The following SNX29 variants were observed in gnomAD, a reference collection of about 807,000 sequenced individuals.
SNX29 encodes sorting nexin 29.
SNX29 carries 78 observed loss-of-function variants against 102.1 expected under a neutral mutation model. The ratio of observed to expected loss-of-function variants is 0.76; its 90% CI spans 0.64 to 0.92. The LOEUF is 0.92. Among genes scored for constraint, SNX29 ranks in the 40% least tolerant of loss-of-function variants. The pLI is 0.00. For synonymous variants in SNX29, 580 were observed against 414.5 expected (o/e 1.40, Z -4.85); for missense variants, 1,280 against 1,061.7 (o/e 1.21, Z -2.86).
Position 12,570,005 on chromosome 16 carries a change from A to C in SNX29, c.*1376A>C, listed in dbSNP as rs143600831. The C allele has an allele frequency of 1.7e-3, 485 of 290,558 alleles. 2 individuals carry two copies. Among genetic ancestry groups the C allele is most frequent in the African/African-American group, 9.7e-3 (448 of 46,386 alleles). The allele number at this position is 290,558 out of a possible 1,614,324, so 18.0% of individuals were successfully genotyped here. A position where few individuals can be genotyped will look rare whatever the true frequency, so the allele number is the denominator to read the frequency against. ...GAACTGCTTCAACTCAGTGGCTTAA[A>C]ATGAGAACTGCCCAGGTGAGCATGG... is the stretch of plus-strand genomic sequence containing the variant. On this transcript the variant is annotated 3_prime_UTR_variant, in exon 21 of 21. Transcript: ENST00000566228.
intron 20 of SNX29, among the ~76,000 whole-genome samples, chr16:12,552,842 A>T (rs2078070514): frequency 6.6e-6 from 1 of 152,186 alleles, no homozygotes; most frequent in African/African-American, 2.4e-5. Context: ...CCTGCCAGAG[A>T]GGAGAGGGTG....
intron 20 of SNX29, among the ~76,000 whole-genome samples, chr16:12,560,013 T>C (rs879358213): frequency 2.0e-5 from 3 of 152,080 alleles, no homozygotes; most frequent in Admixed American, 6.6e-5. Flanking sequence ...TCACTTACAT[T>C]TTGGAAGACT....
chr16:12,259,989 C>T (rs922325185), intron 14 of SNX29, among the ~76,000 whole-genome samples: 5 of 152,166 alleles, frequency 3.3e-5, no homozygotes, highest in Admixed American at 2.6e-4. Context: ...CCTGCTGATG[C>T]GCGGCCACGT....
chr16:12,564,475 TTCTCC>T (rs1302572082), intron 20 of SNX29, among the ~76,000 whole-genome samples: 6 of 152,366 alleles, frequency 3.9e-5, no homozygotes, highest in African/African-American at 1.4e-4. Flanking sequence ...TTATGGATCT[TTCTCC>T]AAGGTCTAGA....
intron 13 of SNX29, among the ~76,000 whole-genome samples, chr16:12,161,349 A>G (rs960833910): frequency 6.6e-6 from 1 of 152,084 alleles, no homozygotes; most frequent in African/African-American, 2.4e-5. Flanking sequence ...CCTCTGACTT[A>G]TGGTTGGCTT....
chr16:11,986,807 G>A (rs538512960), intron 1 of SNX29, among the ~76,000 whole-genome samples: 2 of 152,278 alleles, frequency 1.3e-5, no homozygotes, highest in East Asian at 3.9e-4. Context: ...CATTTCTGCT[G>A]TCGTAGTTTG....
At chr16:12,516,461 CAG>C (rs78955530) in intron 19 of SNX29, among the ~76,000 whole-genome samples, 15,996 of 129,760 alleles carry the variant, frequency 0.12, 966 homozygotes, top group Non-Finnish European at 0.14. Flanking sequence ...GTCTTGGCAA[CAG>C]AGAGATATCC....
rs78175785 is a variant in SNX29, at chr16:12,573,375, G to C, written c.*4746G>C. On this transcript the variant is annotated 3_prime_UTR_variant, in exon 21 of 21. Transcript: ENST00000566228. ...TTCTAAATCCCAGCAACCAAGTTGC[G>C]TATCCTTCCTTATAGCTAGTTTCTA... 4.5e-6 allele frequency: 1 copy of C among 224,050 alleles called. No individual in the cohort carries two copies. Among genetic ancestry groups the C allele is most frequent in the Non-Finnish European group, 8.9e-6 (1 of 112,420 alleles). 13.9% of individuals were successfully genotyped at this position (224,050 alleles called of 1,614,324 possible).
chr16:12,219,413 G>C (rs956862566), intron 14 of SNX29, among the ~76,000 whole-genome samples: 7 of 151,994 alleles, frequency 4.6e-5, no homozygotes, highest in East Asian at 1.9e-4. Context: ...CCTTTATTAC[G>C]TGCAGAACGT....
At chr16:12,123,141 T>G (rs962560337) in intron 11 of SNX29, among the ~76,000 whole-genome samples, 1 of 152,126 alleles carries the variant, frequency 6.6e-6, no homozygotes, top group Admixed American at 6.5e-5. Context: ...TTTAAAAAAT[T>G]TTAACTATAT....
chr16:12,573,063 A>AT lies in SNX29; in HGVS notation c.*4438dup. Reference sequence around the variant, plus strand: ...TAATTCTGCAGTTGTAGCACTGTATATTTTATCTCATTTCTGTGCCAAGAA... The same window carrying AT: ...TAATTCTGCAGTTGTAGCACTGTATATTTTTATCTCATTTCTGTGCCAAGAA... On this transcript the variant is annotated 3_prime_UTR_variant, in exon 21 of 21. Transcript: ENST00000566228. 1 of 231,670 alleles carries AT rather than the reference A, an allele frequency of 4.3e-6. No individual in the cohort carries two copies. The highest frequency in any genetic ancestry group is 5.7e-5 in the Admixed American group (1 of 17,644). The allele number at this position is 231,670 out of a possible 1,614,324, so 14.4% of individuals were successfully genotyped here.
chr16:12,294,706 G>GCAGCTCAGACCT (rs1242199205), intron 15 of SNX29, among the ~76,000 whole-genome samples: 1 of 152,104 alleles, frequency 6.6e-6, no homozygotes, highest in Non-Finnish European at 1.5e-5. Context: ...TATGTCCCCA[G>GCAGCTCAGACCT]GCTGGCTCCT....
chr16:12,310,898 A>G (rs1244309289), intron 15 of SNX29, among the ~76,000 whole-genome samples: 1 of 152,210 alleles, frequency 6.6e-6, no homozygotes, highest in Admixed American at 6.5e-5. Context: ...AAATCCATCA[A>G]TTCAGGGCAA....
intron 3 of SNX29, among the ~76,000 whole-genome samples, chr16:12,005,269 G>T (rs1450451951): frequency 6.6e-6 from 1 of 152,156 alleles, no homozygotes; most frequent in East Asian, 1.9e-4. Flanking sequence ...GTCCACACAG[G>T]GATCCAAGGT....
At position 12,052,595 on chromosome 16, in the gene SNX29, T is replaced by C. The variant is rs115177094; in HGVS notation, c.1124+373T>C. Reference sequence around the variant, plus strand: ...TATTGGGTAAAATAGGTCTGCAAGCTTTATATTTGCCCAGGGTATCATTCA... The same window carrying C: ...TATTGGGTAAAATAGGTCTGCAAGCCTTATATTTGCCCAGGGTATCATTCA... On this transcript the variant is annotated intron_variant, in intron 8 of 20. Transcript: ENST00000566228. 1,346 of 243,214 alleles carry C rather than the reference T, an allele frequency of 5.5e-3. 16 individuals carry two copies. The highest frequency in any genetic ancestry group is 0.028 in the African/African-American group (1,254 of 44,316). 15.1% of individuals were successfully genotyped at this position (243,214 alleles called of 1,614,324 possible).
rs374663104 is a variant in SNX29 at position 12,207,584 on chromosome 16, T to A, written c.1678+7901T>A. Among the ~76,000 whole-genome samples the A allele has an allele frequency of 8.5e-5, 13 of 152,240 alleles. No homozygotes were observed. In the East Asian group the frequency reaches 2.5e-3, roughly 30 times the overall value. ...GCTCATCACAGAGCTGCTTTGCTGT[T>A]ACGTTTGTCTCATGTGCCCCCATCA... On this transcript the variant is annotated intron_variant, in intron 14 of 20. Coordinates refer to ENST00000566228, the MANE Select transcript of SNX29 (RefSeq NM_032167.5).
At chr16:12,277,504 T>C (rs978429194) in intron 14 of SNX29, among the ~76,000 whole-genome samples, 1 of 152,224 alleles carries the variant, frequency 6.6e-6, no homozygotes, top group African/African-American at 2.4e-5. Context: ...TGGAAAGTAG[T>C]GACAAGATTA....
intron 14 of SNX29, among the ~76,000 whole-genome samples, chr16:12,245,924 A>T (rs112326717): frequency 0.017 from 2,637 of 152,272 alleles, 74 homozygotes; most frequent in African/African-American, 0.061. Flanking sequence ...TGGGAGAGTA[A>T]CTTGCTTAAG....
chr16:12,201,223 A>G (rs1173243879), intron 14 of SNX29, among the ~76,000 whole-genome samples: 1 of 152,108 alleles, frequency 6.6e-6, no homozygotes, highest in African/African-American at 2.4e-5. Flanking sequence ...TTTCATACAG[A>G]TATTGCTATT....
Sources: gnomAD v4.1 joint callset for allele counts (sites outside exome capture counted in the v4.1 genomes callset) on GRCh38, gnomAD v4.1.1 for gene constraint, MANE v1.5 for transcripts, NCBI Gene and HGNC (gene_info 2026-07-23, HGNC 2026-07-21) for gene names.